Variants in IGF2BP3 observed in about 807,000 individuals in gnomAD.
The protein encoded by IGF2BP3 is insulin like growth factor 2 mRNA binding protein 3, also known as insulin-like growth factor 2 mRNA-binding protein 3.
A neutral mutation model predicts 73.8 loss-of-function variants in IGF2BP3; 9 were observed. The ratio of observed to expected loss-of-function variants is 0.12; its 90% CI spans 0.07 to 0.21. IGF2BP3 has a LOEUF of 0.21. Among genes scored for constraint, IGF2BP3 ranks in the 10% least tolerant of loss-of-function variants. IGF2BP3 has a pLI of 1.00. For missense variants in IGF2BP3, 542 were observed against 714.0 expected, an observed-to-expected ratio of 0.76 and a Z score of 2.75; for synonymous variants, 258 against 256.7, an observed-to-expected ratio of 1.01 and a Z score of -0.05.
intron 2 of IGF2BP3, among the ~76,000 whole-genome samples, chr7:23,462,218 G>A (rs1462206278): frequency 6.6e-6 from 1 of 152,166 alleles, no homozygotes; most frequent in Non-Finnish European, 1.5e-5. Context: ...GGGGTGGTTT[G>A]CTTATGCAGC....
intron 3 of IGF2BP3, among the ~76,000 whole-genome samples, chr7:23,380,055 A>C (rs1223172978): frequency 6.6e-6 from 1 of 152,098 alleles, no homozygotes; most frequent in African/African-American, 2.4e-5. Flanking sequence ...CTTTAAATAT[A>C]AAAAGGCTAT....
At chr7:23,332,662 T>G (rs1330118881) in intron 10 of IGF2BP3, among the ~76,000 whole-genome samples, 2 of 152,224 alleles carry the variant, frequency 1.3e-5, no homozygotes, top group African/African-American at 4.8e-5. Flanking sequence ...GCATCTCTCT[T>G]TGGAAGATAC....
chr7:23,420,570 T>C (rs1562742324), intron 2 of IGF2BP3, among the ~76,000 whole-genome samples: 1 of 152,178 alleles, frequency 6.6e-6, no homozygotes, highest in Non-Finnish European at 1.5e-5. Context: ...TAATCCACAA[T>C]TTTGAAGTAT....
At chr7:23,391,740 A>C (rs933857901) in intron 3 of IGF2BP3, among the ~76,000 whole-genome samples, 2 of 152,254 alleles carry the variant, frequency 1.3e-5, no homozygotes, top group African/African-American at 4.8e-5. Context: ...GATAAAAAGC[A>C]CTGATCATTG....
At chr7:23,343,958 A>G (rs1032697145) in intron 8 of IGF2BP3, 105 bp from the exon 9 acceptor site, 3 of 1,151,096 alleles carry the variant, frequency 2.6e-6, no homozygotes, top group Admixed American at 2.2e-5. Flanking sequence ...GAGCCTGGTA[A>G]TATGTAAAAG....
chr7:23,340,837 C>G (rs1035299386), intron 10 of IGF2BP3, among the ~76,000 whole-genome samples: 1 of 149,728 alleles, frequency 6.7e-6, no homozygotes, highest in South Asian at 2.1e-4. Flanking sequence ...ATATTTCTTT[C>G]TTTTTCTTTT....
intron 2 of IGF2BP3, among the ~76,000 whole-genome samples, chr7:23,457,317 T>C (rs565580385): frequency 6.6e-6 from 1 of 151,734 alleles, no homozygotes; most frequent in East Asian, 2.0e-4. Flanking sequence ...ATACAAAAAT[T>C]AGCCGGGTGT....
At chr7:23,329,569 G>A (rs1310438807) in intron 10 of IGF2BP3, among the ~76,000 whole-genome samples, 4 of 152,212 alleles carry the variant, frequency 2.6e-5, no homozygotes, top group Non-Finnish European at 5.9e-5. Context: ...TGGAATTCTA[G>A]TTATTCCATT....
chr7:23,329,143 G>A (rs1487465742), intron 10 of IGF2BP3, among the ~76,000 whole-genome samples: 1 of 151,952 alleles, frequency 6.6e-6, no homozygotes, highest in African/African-American at 2.4e-5. Flanking sequence ...AACCCGGAAG[G>A]TGGAGCTTGC....
intron 9 of IGF2BP3, among the ~76,000 whole-genome samples, chr7:23,343,187 T>C (rs1583910786): frequency 6.6e-6 from 1 of 152,338 alleles, no homozygotes; most frequent in East Asian, 1.9e-4. Flanking sequence ...AAGGTTTATA[T>C]GGCTAACCAA....
chr7:23,411,702 T>TGACA (rs1471453744), intron 3 of IGF2BP3, among the ~76,000 whole-genome samples: 1 of 152,196 alleles, frequency 6.6e-6, no homozygotes, highest in Non-Finnish European at 1.5e-5. Context: ...AGAAGATGAA[T>TGACA]GACAGTTCCT....
intron 2 of IGF2BP3, among the ~76,000 whole-genome samples, chr7:23,435,883 G>A (rs183606384): frequency 6.6e-6 from 1 of 152,090 alleles, no homozygotes; most frequent in Non-Finnish European, 1.5e-5. Context: ...TCAGCCTCCT[G>A]AGTCATTGGA....
At chr7:23,325,654 A>G (rs1442616827) in intron 10 of IGF2BP3, among the ~76,000 whole-genome samples, 2 of 152,026 alleles carry the variant, frequency 1.3e-5, no homozygotes, top group East Asian at 1.9e-4. Flanking sequence ...GAGGCATCAC[A>G]CTACCTGACT....
chr7:23,393,060 A>G (rs1457300491), intron 3 of IGF2BP3, among the ~76,000 whole-genome samples: 2 of 152,186 alleles, frequency 1.3e-5, no homozygotes, highest in Non-Finnish European at 2.9e-5. Flanking sequence ...ACACTCAGCA[A>G]GTCTCATTAG....
chr7:23,355,583 C>A, intron 5 of IGF2BP3, among the ~76,000 whole-genome samples: 1 of 152,066 alleles, frequency 6.6e-6, no homozygotes, highest in South Asian at 2.1e-4. Context: ...TTTTAAGGGT[C>A]GCTGAGAAGA....
chr7:23,442,238 T>C (rs1269857548), intron 2 of IGF2BP3, among the ~76,000 whole-genome samples: 1 of 152,142 alleles, frequency 6.6e-6, no homozygotes, highest in Non-Finnish European at 1.5e-5. Context: ...GCTCAAAACA[T>C]AAGTTGAAAG....
Position 23,361,711 on chromosome 7 carries a change from C to T in IGF2BP3, c.316G>A (p.Val106Met), listed in dbSNP as rs1316755630. ...VLDSLLVQYG[V>M]VESCEQVNTD... ...GTACCTTGCTCACAGCTCTCCACCA[C>T]TCCATACTGGACTAGTAAACTATCC... The change falls in exon 4 of 15, where the codon GTG becomes ATG. Residue 106 changes from valine to methionine, a missense_variant. Around this residue, in one of 2 missense-constraint regions of IGF2BP3, gnomAD observed 239 missense variants for 241.9 expected, o/e 0.99. Transcript: ENST00000258729. The T allele has an allele frequency of 1.9e-6, 3 of 1,613,896 alleles. No individual in the cohort carries two copies. The highest frequency in any genetic ancestry group is 2.5e-6 in the Non-Finnish European group (3 of 1,179,926).
chr7:23,405,362 AACAG>A (rs1447658323), intron 3 of IGF2BP3, among the ~76,000 whole-genome samples: 1 of 152,250 alleles, frequency 6.6e-6, no homozygotes, highest in Non-Finnish European at 1.5e-5. Flanking sequence ...AAGTAAAGAT[AACAG>A]ACAGACTAGG....
intron 10 of IGF2BP3, among the ~76,000 whole-genome samples, chr7:23,334,523 G>A (rs1218762642): frequency 6.6e-6 from 1 of 152,202 alleles, no homozygotes; most frequent in Non-Finnish European, 1.5e-5. Flanking sequence ...AGGCCCATTA[G>A]CGTTACCCAG....
Sources: allele counts gnomAD v4.1 joint callset (sites outside exome capture counted in the v4.1 genomes callset), GRCh38; gene constraint gnomAD v4.1.1; regional missense constraint gnomAD v4.1.1; transcripts MANE v1.5; gene names NCBI Gene and HGNC (gene_info 2026-07-23, HGNC 2026-07-21).